The following PLCH2 variants were observed in gnomAD, a reference collection of about 807,000 sequenced individuals.
PLCH2 encodes the protein 1-phosphatidylinositol 4,5-bisphosphate phosphodiesterase eta-2.
PLCH2 carries 98 observed loss-of-function variants against 134.7 expected under a neutral mutation model. The ratio of observed to expected loss-of-function variants is 0.73; its 90% CI spans 0.62 to 0.86. The LOEUF is 0.86. Ranked by LOEUF, PLCH2 falls within the 40% of genes least tolerant of loss-of-function variation. The pLI is 0.00. For synonymous variants in PLCH2, 974 were observed against 827.5 expected (o/e 1.18, Z -3.04); for missense variants, 1,994 against 1,986.6 (o/e 1.00, Z -0.07).
At chr1:2,441,016 C>T (rs376317917) in intron 2 of PLCH2, among the ~76,000 whole-genome samples, 17 of 152,302 alleles carry the variant, frequency 1.1e-4, no homozygotes, top group South Asian at 2.1e-4. Flanking sequence ...CCATGCTGTC[C>T]GGGAAAGGGG....
rs1363481577 is a variant in PLCH2, at chr1:2,452,161, G to A, written c.115+21532G>A. The stretch of plus-strand genomic sequence containing the variant: ...TGAGCCTGGAACCACGGTGGCCGCC[G>A]TGTGCAGCCAGGTGTGCAGAAGGAC... On this transcript the variant is annotated intron_variant, in intron 2 of 3. Transcript: ENST00000609981. Among the ~76,000 whole-genome samples the A allele has an allele frequency of 2.6e-5, 4 of 152,304 alleles. No homozygotes were observed. The East Asian group carries it at 5.8e-4, about 22-fold the overall frequency.
At chr1:2,481,023 CGCACACGCAT>C (rs1558000932) in intron 4 of PLCH2, among the ~76,000 whole-genome samples, 3 of 152,208 alleles carry the variant, frequency 2.0e-5, no homozygotes, top group East Asian at 1.9e-4. Context: ...CGCACACACA[CGCACACGCAT>C]GCACGTGCAT....
intron 2 of PLCH2, among the ~76,000 whole-genome samples, chr1:2,457,406 G>A (rs1640547274): frequency 1.3e-5 from 2 of 152,182 alleles, no homozygotes; most frequent in South Asian, 4.1e-4. Context: ...GTGATCACAA[G>A]GGGCTGAGTG....
chr1:2,491,267 C>T lies in PLCH2; in HGVS notation c.1591C>T (p.Arg531Trp), dbSNP rs753412976. ...TTCCCTCATCAAAGAGTCGAAGATTCGGGACTGTGAGGACCCCAACAACTT... is the reference window on the plus strand; with the variant it reads ...TTCCCTCATCAAAGAGTCGAAGATTTGGGACTGTGAGGACCCCAACAACTT... Reference protein sequence around the residue: ...LDSLIKESKIRDCEDPNNFSV... With the variant: ...LDSLIKESKIWDCEDPNNFSV... Residue 531 changes from arginine to tryptophan, a missense_variant, in exon 11 of 22, where the codon CGG (arginine) becomes TGG (tryptophan). By Grantham distance (101) the Arg-to-Trp change is moderately radical. This residue lies in a region of PLCH2 where 1,094 missense variants were observed against 1,234.3 expected (regional missense o/e 0.89). Transcript: ENST00000378486. 17 of 1,613,280 alleles carry T rather than the reference C, an allele frequency of 1.1e-5. No homozygotes were observed. Among genetic ancestry groups the T allele is most frequent in the South Asian group, 3.3e-5 (3 of 91,080 alleles).
At chr1:2,434,221 C>T (rs1374674953) in intron 2 of PLCH2, among the ~76,000 whole-genome samples, 1 of 152,216 alleles carries the variant, frequency 6.6e-6, no homozygotes, top group Non-Finnish European at 1.5e-5. Flanking sequence ...GGGGGCCGCG[C>T]CTGGGCAGGG....
Position 2,439,934 on chromosome 1 carries a change from G to A in PLCH2, c.115+9305G>A, listed in dbSNP as rs753657754. ...TCAAAATCAGGGCAAGGTCATGTCC[G>A]GGACACTGCGGGGGACAAGGCAACC... On this transcript the variant is annotated intron_variant, in intron 2 of 3. Coordinates refer to the PLCH2 transcript ENST00000609981. This position sits in a 1 kb window ranked among gnomAD's most constrained non-coding sequence, Gnocchi z 4.7. 2.0e-5 allele frequency among the ~76,000 whole-genome samples: 3 copies of A among 152,242 alleles called. No individual in the cohort carries two copies. Among genetic ancestry groups the A allele is most frequent in the African/African-American group, 7.2e-5 (3 of 41,552 alleles).
intron 2 of PLCH2, among the ~76,000 whole-genome samples, chr1:2,447,590 A>G (rs1640000815): frequency 6.6e-6 from 1 of 152,132 alleles, no homozygotes; most frequent in Admixed American, 6.5e-5. Context: ...ACTGTGACTG[A>G]GCTGCTGACC....
chr1:2,483,768 GGGGCGC>G lies in PLCH2; in HGVS notation c.646-679_646-674del, dbSNP rs1298110288. Among the ~76,000 whole-genome samples, 5 of 130,552 alleles carry G rather than the reference GGGGCGC, an allele frequency of 3.8e-5. 1 individual carries two copies. The highest frequency in any genetic ancestry group is 8.0e-5 in the Admixed American group (1 of 12,522). 85.6% of individuals were successfully genotyped at this position (130,552 alleles called of 152,430 possible). On this transcript the variant is annotated intron_variant, in intron 4 of 21. Coordinates refer to ENST00000378486, the MANE Select transcript of PLCH2 (RefSeq NM_014638.4). ...AGTGTGTTGTTGACCCCCGTTTGGG[GGGGCGC>G]TGACCCCCGTTTGGGGGGGCGCTGA...
At chr1:2,479,619 C>T in intron 2 of PLCH2, 115 bp from the exon 3 acceptor site, 1 of 1,084,660 alleles carries the variant, frequency 9.2e-7, no homozygotes, top group Non-Finnish European at 1.3e-6. Context: ...TGCCGAGGGT[C>T]CCGCAAAGGT....
intron 8 of PLCH2, among the ~76,000 whole-genome samples, chr1:2,488,717 C>T (rs1642407593): frequency 6.6e-6 from 1 of 152,238 alleles, no homozygotes; most frequent in Non-Finnish European, 1.5e-5. Context: ...CCATGTTCCA[C>T]CAGATGGTGT....
At chr1:2,424,600 C>T (rs1638678145), upstream of PLCH2, among the ~76,000 whole-genome samples, 4 of 152,164 alleles carry the variant, frequency 2.6e-5, no homozygotes, top group Non-Finnish European at 5.9e-5. Flanking sequence ...GCTATAATCC[C>T]AGCACTTTGG....
upstream of PLCH2, among the ~76,000 whole-genome samples, chr1:2,424,311 C>CT (rs552395899): frequency 2.0e-5 from 3 of 151,584 alleles, no homozygotes; most frequent in South Asian, 6.3e-4. Context: ...AAAATTCCCC[C>CT]AAACCACAAA....
At chr1:2,503,104 G>A in intron 21 of PLCH2, 1 of 691,402 alleles carries the variant, frequency 1.4e-6, no homozygotes, top group South Asian at 1.5e-5. Context: ...CCTCCTGTCT[G>A]AGCTTGAGGC....
chr1:2,480,046 G>T (rs1270903985), intron 3 of PLCH2, 69 bp downstream of exon 3: 5 of 1,582,234 alleles, frequency 3.2e-6, no homozygotes, highest in African/African-American at 2.7e-5. Flanking sequence ...CCCTGGGGGG[G>T]CCTGTCCTTT....
upstream of PLCH2, among the ~76,000 whole-genome samples, chr1:2,474,960 C>T (rs1030458016): frequency 3.9e-5 from 6 of 152,224 alleles, no homozygotes; most frequent in Non-Finnish European, 5.9e-5. Flanking sequence ...CAGCCCCTCT[C>T]CTCTCCCTGC....
chr1:2,437,285 C>A (rs1380475055), intron 2 of PLCH2, among the ~76,000 whole-genome samples: 1 of 152,156 alleles, frequency 6.6e-6, no homozygotes, highest in Non-Finnish European at 1.5e-5. Context: ...GCACGGACTC[C>A]TGTTCCAGAG....
chr1:2,481,019 C>T (rs1428522060), intron 4 of PLCH2, among the ~76,000 whole-genome samples: 1 of 152,234 alleles, frequency 6.6e-6, no homozygotes, highest in Non-Finnish European at 1.5e-5. Flanking sequence ...TACACGCACA[C>T]ACACGCACAC....
Position 2,505,281 on chromosome 1 carries a change from G to GAAAC in PLCH2, c.*70_*73dup. 7.9e-7 allele frequency: 1 copy of GAAAC among 1,272,784 alleles called. No individual in the cohort carries two copies. The highest frequency in any genetic ancestry group is 1.4e-5 in the South Asian group (1 of 72,956). 78.8% of individuals were successfully genotyped at this position (1,272,784 alleles called of 1,614,324 possible). A position where few individuals can be genotyped will look rare whatever the true frequency, so the allele number is the denominator to read the frequency against. ...AGGGGTGGGCGTGTTGTTTGCTCAG[G>GAAAC]AAACAGGGCAGCCAGGCCCCCAAAA... On this transcript the variant is annotated 3_prime_UTR_variant, in exon 22 of 22. Coordinates refer to ENST00000378486, the MANE Select transcript of PLCH2 (RefSeq NM_014638.4).
At chr1:2,475,481 G>A (rs1641564951), upstream of PLCH2, among the ~76,000 whole-genome samples, 1 of 152,222 alleles carries the variant, frequency 6.6e-6, no homozygotes, top group Non-Finnish European at 1.5e-5. Flanking sequence ...TGGACTTGGG[G>A]ATGGGAGAGC....
Sources: allele counts gnomAD v4.1 joint callset (sites outside exome capture counted in the v4.1 genomes callset), GRCh38; gene constraint gnomAD v4.1.1; regional missense constraint gnomAD v4.1.1; non-coding constraint Gnocchi (gnomAD v3.1); transcripts MANE v1.5; gene names NCBI Gene and HGNC (gene_info 2026-07-23, HGNC 2026-07-21).